Variants in TEAD1 observed in about 807,000 individuals in gnomAD.
The protein encoded by TEAD1 is transcriptional enhancer factor TEF-1.
In TEAD1, 9 loss-of-function variants were observed where a neutral mutation model predicts 54.9. The ratio of observed to expected loss-of-function variants is 0.16; its 90% confidence interval spans 0.10 to 0.29. The LOEUF is 0.29. Ranked by LOEUF, TEAD1 falls within the 10% of genes least tolerant of loss-of-function variation. The probability of loss-of-function intolerance (pLI) is 1.00; values close to 1 mark genes in which losing one functional copy is unlikely to be tolerated. For synonymous variants in TEAD1, 200 were observed against 187.8 expected (o/e 1.07, Z -0.53); for missense variants, 387 against 535.9 (o/e 0.72, Z 2.74).
intron 2 of TEAD1, among the ~76,000 whole-genome samples, chr11:12,701,773 A>G (rs984041901): frequency 2.0e-5 from 3 of 152,212 alleles, no homozygotes; most frequent in African/African-American, 7.2e-5. Flanking sequence ...TAAGAGACTT[A>G]GAGCTGGGAG....
At chr11:12,747,778 A>G (rs1315030916) in intron 2 of TEAD1, among the ~76,000 whole-genome samples, 1 of 152,232 alleles carries the variant, frequency 6.6e-6, no homozygotes. Context: ...TTCATGGATC[A>G]TCTCATTTAA....
chr11:12,720,141 A>G (rs537762000), intron 2 of TEAD1, among the ~76,000 whole-genome samples: 2 of 151,674 alleles, frequency 1.3e-5, no homozygotes, highest in South Asian at 2.1e-4. Flanking sequence ...AATAATGTCT[A>G]TGGCATATTT....
chr11:12,806,181 T>C (rs536219260), intron 3 of TEAD1, among the ~76,000 whole-genome samples: 1 of 152,350 alleles, frequency 6.6e-6, no homozygotes, highest in South Asian at 2.1e-4. Flanking sequence ...TAATAATAAC[T>C]TGGAACCCAG....
chr11:12,772,175 G>GTT (rs1393500384), intron 3 of TEAD1, among the ~76,000 whole-genome samples: 1 of 152,212 alleles, frequency 6.6e-6, no homozygotes, highest in African/African-American at 2.4e-5. Context: ...TCATTCTTCA[G>GTT]TTTATGTTCA....
chr11:12,883,828 A>G (rs938986971), intron 9 of TEAD1, among the ~76,000 whole-genome samples: 7 of 152,244 alleles, frequency 4.6e-5, no homozygotes, highest in Middle Eastern at 3.4e-3. Flanking sequence ...CTTGGCCAAC[A>G]TGGTGAAACC....
At position 12,745,312 on chromosome 11, in the gene TEAD1, G is replaced by C. The variant is rs79384473; in HGVS notation, c.-54-18867G>C. On this transcript the variant is annotated intron_variant, in intron 2 of 12. Coordinates refer to ENST00000527636, the MANE Select transcript of TEAD1 (RefSeq NM_021961.6). ...GTCAATTCTGGCCACACTAGGAGTAGCAAGGTGAATGAGATCCTCTCTTCT... is the reference window on the plus strand; with the variant it reads ...GTCAATTCTGGCCACACTAGGAGTACCAAGGTGAATGAGATCCTCTCTTCT... 4.6e-3 allele frequency among the ~76,000 whole-genome samples: 694 copies of C among 152,322 alleles called. 7 individuals carry two copies. Among genetic ancestry groups the C allele is most frequent in the African/African-American group, 0.016 (656 of 41,558 alleles).
At chr11:12,726,366 T>C (rs1186248372) in intron 2 of TEAD1, among the ~76,000 whole-genome samples, 1 of 152,186 alleles carries the variant, frequency 6.6e-6, no homozygotes, top group Non-Finnish European at 1.5e-5. Context: ...TTGTATGTGC[T>C]TGGAGACCGC....
At chr11:12,717,905 T>G (rs1944099020) in intron 2 of TEAD1, among the ~76,000 whole-genome samples, 1 of 152,208 alleles carries the variant, frequency 6.6e-6, no homozygotes, top group Non-Finnish European at 1.5e-5. Flanking sequence ...AGTGGGGGTA[T>G]TAATAGAAGT....
intron 3 of TEAD1, among the ~76,000 whole-genome samples, chr11:12,805,723 A>G (rs540402748): frequency 9.2e-5 from 14 of 152,350 alleles, no homozygotes; most frequent in African/African-American, 3.1e-4. Flanking sequence ...CTGTGTCTAC[A>G]GAATCATGTG....
rs190039288 is a variant in TEAD1 at position 12,848,088 on chromosome 11, G to C, written c.203-14162G>C. 6.0e-4 allele frequency among the ~76,000 whole-genome samples: 91 copies of C among 152,284 alleles called. 1 individual carries two copies. The highest frequency in any genetic ancestry group is 3.3e-3 in the Admixed American group (50 of 15,300). On this transcript the variant is annotated intron_variant, in intron 3 of 12. Transcript: ENST00000527636. ...GAAACATCTCTGGGCACCTGTCTCA[G>C]GCCCTTCCTGAGTACATCTATCCAT...
intron 3 of TEAD1, among the ~76,000 whole-genome samples, chr11:12,772,404 G>A (rs962488816): frequency 3.9e-5 from 6 of 152,206 alleles, no homozygotes; most frequent in Non-Finnish European, 8.8e-5. Context: ...AGGGAAAGGA[G>A]CCTCTTTTCC....
At chr11:12,681,645 C>G (rs567394584) in intron 2 of TEAD1, among the ~76,000 whole-genome samples, 1 of 152,346 alleles carries the variant, frequency 6.6e-6, no homozygotes, top group East Asian at 1.9e-4. Context: ...CAGTGGAAGT[C>G]TGATGGTGTG....
At chr11:12,810,476 T>C (rs1018375548) in intron 3 of TEAD1, among the ~76,000 whole-genome samples, 1 of 152,220 alleles carries the variant, frequency 6.6e-6, no homozygotes, top group Non-Finnish European at 1.5e-5. Flanking sequence ...GGGAGAACTC[T>C]GGGCTCCTTG....
chr11:12,852,301 A>G (rs1361661323), intron 3 of TEAD1, among the ~76,000 whole-genome samples: 2 of 152,082 alleles, frequency 1.3e-5, no homozygotes, highest in African/African-American at 4.8e-5. Flanking sequence ...AAGGCAACAT[A>G]ACTAGATGTG....
intron 2 of TEAD1, among the ~76,000 whole-genome samples, chr11:12,697,301 A>G (rs1349043195): frequency 2.0e-5 from 3 of 152,320 alleles, no homozygotes; most frequent in Non-Finnish European, 4.4e-5. Flanking sequence ...AAATCAGAGG[A>G]TTTTATTAGC....
chr11:12,800,615 C>T (rs1044521702), intron 3 of TEAD1, among the ~76,000 whole-genome samples: 12 of 152,180 alleles, frequency 7.9e-5, no homozygotes, highest in African/African-American at 2.9e-4. Flanking sequence ...GACCGCTGTA[C>T]TTAGCACAGC....
At chr11:12,796,851 C>G (rs1342815913) in intron 3 of TEAD1, among the ~76,000 whole-genome samples, 1 of 152,116 alleles carries the variant, frequency 6.6e-6, no homozygotes, top group Non-Finnish European at 1.5e-5. Flanking sequence ...GTAGCTCATG[C>G]TTGTAATCCC....
intron 2 of TEAD1, among the ~76,000 whole-genome samples, chr11:12,739,304 A>C (rs1944604083): frequency 6.6e-6 from 1 of 152,186 alleles, no homozygotes; most frequent in Admixed American, 6.5e-5. Flanking sequence ...TACACATAAA[A>C]GTTACCATCT....
chr11:12,739,747 T>C (rs1314949866), intron 2 of TEAD1, among the ~76,000 whole-genome samples: 2 of 152,194 alleles, frequency 1.3e-5, no homozygotes, highest in African/African-American at 2.4e-5. Context: ...CATTTGTCCC[T>C]CTCTCCCTCT....
Sources: gnomAD v4.1 joint callset for allele counts (sites outside exome capture counted in the v4.1 genomes callset) on GRCh38, gnomAD v4.1.1 for gene constraint, MANE v1.5 for transcripts, NCBI Gene and HGNC (gene_info 2026-07-23, HGNC 2026-07-21) for gene names.